The following CLCN2 variants were observed in gnomAD, a reference collection of about 807,000 sequenced individuals.
The protein encoded by CLCN2 is chloride voltage-gated channel 2.
A neutral mutation model predicts 108.3 loss-of-function variants in CLCN2; 72 were observed. That is an observed-to-expected ratio of 0.66 (90% confidence interval 0.55 to 0.81). The LOEUF (loss-of-function observed/expected upper bound fraction) is 0.81, where lower values mean the gene tolerates loss of function less well. CLCN2 is among the 30% of genes least tolerant of loss of function. CLCN2 has a pLI of 0.00. For synonymous variants in CLCN2, 471 were observed against 467.1 expected (o/e 1.01, Z -0.11); for missense variants, 1,048 against 1,205.2 (o/e 0.87, Z 1.93).
At position 184,352,802 on chromosome 3, in the gene CLCN2, C is replaced by T; in HGVS notation, c.2152G>A (p.Glu718Lys). The T allele has an allele frequency of 3.7e-6, 6 of 1,613,256 alleles. No homozygotes were observed. Among genetic ancestry groups the T allele is most frequent in the Non-Finnish European group, 4.2e-6 (5 of 1,179,984 alleles). ...NLGESPTGSA[E>K]SAGIALRSLF... ...CTCCGGAGGGCGATGCCTGCCGACT[C>T]TGCGCTCCCTGTGTTCCCAAACATA... Residue 718 changes from glutamate to lysine, a missense_variant, in exon 19 of 24, where the codon GAG becomes AAG. Physicochemically the swap from Glu to Lys is moderately conservative, Grantham distance 56 (BLOSUM62 1). Transcript: ENST00000265593.
At position 184,352,774 on chromosome 3, in the gene CLCN2, AGGC is replaced by A; in HGVS notation, c.2177_2179del (p.Ser726_Leu727delinsIle). On this transcript the variant is annotated inframe_deletion, in exon 19 of 24. Coordinates refer to ENST00000265593, the MANE Select transcript of CLCN2 (RefSeq NM_004366.6). Reference sequence around the variant, plus strand: ...CTCAGGGGGTGGACTGCCACAGAAGAGGCTCCGGAGGGCGATGCCTGCCGACTC... The same window carrying A: ...CTCAGGGGGTGGACTGCCACAGAAGATCCGGAGGGCGATGCCTGCCGACTC... 1 of 1,613,200 alleles carries A rather than the reference AGGC, an allele frequency of 6.2e-7. No individual in the cohort carries two copies. Among genetic ancestry groups the A allele is most frequent in the Non-Finnish European group, 8.5e-7 (1 of 1,179,990 alleles).
At position 184,357,399 on chromosome 3, in the gene CLCN2, G is replaced by A. The variant is rs1039368510; in HGVS notation, c.861C>T (p.Phe287=). The A allele has an allele frequency of 3.1e-6, 5 of 1,614,110 alleles. No individual in the cohort carries two copies. The highest frequency in any genetic ancestry group is 4.2e-6 in the Non-Finnish European group (5 of 1,180,014). Residue 287 remains phenylalanine (F), a synonymous_variant, in exon 8 of 24, where the codon TTC becomes TTT. Transcript: ENST00000265593. The part of the protein sequence containing the change: ...RGFFAATFSA[F]IFRVLAVWNR... ...TCCAGACTGCCAAGACCCGGAAGAT[G>A]AAGGCACTGAAGGTGGCAGCGAAGA...
At chr3:184,350,210 C>A (rs1469907869) in intron 22 of CLCN2, among the ~76,000 whole-genome samples, 8 of 152,180 alleles carry the variant, frequency 5.3e-5, no homozygotes, top group Non-Finnish European at 8.8e-5. Flanking sequence ...AGGGCCCATA[C>A]TTCTTGGGCC....
chr3:184,360,035 T>G (rs1711805823), intron 1 of CLCN2, among the ~76,000 whole-genome samples: 28 of 141,136 alleles, frequency 2.0e-4, no homozygotes, highest in East Asian at 4.2e-4. Context: ...GGGTGAGAGA[T>G]AGGAAAGGGA....
At chr3:184,352,992 G>A (rs1259302899) in intron 18 of CLCN2, 41 bp downstream of exon 18, 1 of 1,585,546 alleles carries the variant, frequency 6.3e-7, no homozygotes, top group South Asian at 1.1e-5. Context: ...GATCTCAGTA[G>A]CTTGGCTGAG....
intron 10 of CLCN2, chr3:184,356,362 G>C (rs1256464823): frequency 6.1e-6 from 1 of 163,986 alleles, no homozygotes; most frequent in Non-Finnish European, 1.3e-5. Flanking sequence ...AAAAAATCTC[G>C]GCCGGGCACA....
chr3:184,350,041 T>C (rs958721423), intron 22 of CLCN2, among the ~76,000 whole-genome samples: 3 of 152,258 alleles, frequency 2.0e-5, no homozygotes, highest in African/African-American at 7.2e-5. Context: ...GTAAGGACAT[T>C]TTGAATTCTA....
intron 18 of CLCN2, 98 bp downstream of exon 18, chr3:184,352,935 C>T: frequency 6.6e-7 from 1 of 1,523,840 alleles, no homozygotes; most frequent in Non-Finnish European, 9.1e-7. Context: ...GCAGCCTCTT[C>T]CAGCTGGGAT....
Position 184,357,483 on chromosome 3 carries a change from G to A in CLCN2, c.777C>T (p.Val259=), listed in dbSNP as rs754102648. 8 of 1,614,194 alleles carry A rather than the reference G, an allele frequency of 5.0e-6. No homozygotes were observed. Among genetic ancestry groups the A allele is most frequent in the Non-Finnish European group, 5.9e-6 (7 of 1,180,028 alleles). The change falls in exon 8 of 24, where the codon GTC becomes GTT. Residue 259 remains valine, a synonymous_variant. Coordinates refer to ENST00000265593, the MANE Select transcript of CLCN2 (RefSeq NM_004366.6). ...GCCFAAPIGG[V]LFSIEVTSTF... ...TGGAGGTGACCTCGATGCTGAAGAG[G>A]ACGCCTGTGAGGGGGAGGGAGACCA...
intron 21 of CLCN2, 22 bp from the exon 22 acceptor site, chr3:184,352,139 G>T: frequency 3.1e-6 from 5 of 1,605,742 alleles, no homozygotes; most frequent in Non-Finnish European, 4.3e-6. Context: ...AGACTATGAG[G>T]TTTAGGGAGA....
At chr3:184,352,865 C>T in intron 18 of CLCN2, 55 bp from the exon 19 acceptor site, 1 of 1,600,000 alleles carries the variant, frequency 6.3e-7, no homozygotes, top group Non-Finnish European at 8.6e-7. Context: ...GGGGAGAGGA[C>T]CAGGAAAGGT....
At chr3:184,350,253 C>G (rs1170719649) in intron 22 of CLCN2, among the ~76,000 whole-genome samples, 1 of 152,186 alleles carries the variant, frequency 6.6e-6, no homozygotes, top group East Asian at 1.9e-4. Context: ...AGAGGGACAA[C>G]ATGGCCTTCT....
At chr3:184,348,012 C>G (rs6773786) in intron 22 of CLCN2, 123,164 of 152,228 alleles carry the variant, frequency 0.81, 50,609 homozygotes, top group African/African-American at 0.95. Flanking sequence ...TAAGCCTCTT[C>G]GCTTAATGTT....
At position 184,358,088 on chromosome 3, in the gene CLCN2, G is replaced by A. The variant is rs1176764196; in HGVS notation, c.489C>T (p.Gly163=). 6.2e-7 allele frequency: 1 copy of A among 1,614,136 alleles called. No homozygotes were observed. The highest frequency in any genetic ancestry group is 1.1e-5 in the South Asian group (1 of 91,090). ...QILAPQAVGS[G]IPEMKTILRG... is the part of the protein sequence containing the mutation. ...GCAAGATGGTCTTCATCTCAGGGAT[G>A]CCAGAGCCTGGAGAGGGAACAGTCT... Residue 163 remains glycine, a synonymous_variant, in exon 5 of 24, where the codon GGC becomes GGT. Coordinates refer to ENST00000265593, the MANE Select transcript of CLCN2 (RefSeq NM_004366.6).
At position 184,355,329 on chromosome 3, in the gene CLCN2, G is replaced by A; in HGVS notation, c.1326+45C>T. ...AGCACTGCGTGGCAGGTGCTTAGAA[G>A]GGCAAGCTATGTAAAGGTTAGCAGT... On this transcript the variant is annotated intron_variant, in intron 12 of 23. Transcript: ENST00000265593. The surrounding 1 kb of genome is among the most constrained non-coding windows in gnomAD (Gnocchi z 6.3). 1 of 1,608,992 alleles carries A rather than the reference G, an allele frequency of 6.2e-7. No homozygotes were observed. The highest frequency in any genetic ancestry group is 1.1e-5 in the South Asian group (1 of 90,932).
chr3:184,353,755 C>T lies in CLCN2; in HGVS notation c.1762G>A (p.Val588Ile). Residue 588 changes from valine to isoleucine, a missense_variant, in exon 16 of 24, where the codon GTT (valine) becomes ATT (isoleucine). Physicochemically the swap from Val to Ile is conservative, Grantham distance 29 (BLOSUM62 3). Transcript: ENST00000265593. ...VRVEDIMVRD[V>I]PHVALSCTFR... ...GTGCAGCTGAGGGCCACATGGGGAA[C>T]ATCCCGCACCATGATGTCCTCCACA... 1 of 1,606,898 alleles carries T rather than the reference C, an allele frequency of 6.2e-7. No homozygotes were observed. Among genetic ancestry groups the T allele is most frequent in the South Asian group, 1.1e-5 (1 of 89,688 alleles).
chr3:184,353,055 C>G lies in CLCN2; in HGVS notation c.2121G>C (p.Arg707Ser). 6.2e-7 allele frequency: 1 copy of G among 1,614,134 alleles called. No homozygotes were observed. Among genetic ancestry groups the G allele is most frequent in the Non-Finnish European group, 8.5e-7 (1 of 1,180,008 alleles). ...PALKRGPSVT[R>S]NLGESPTGSA... ...TACCTGTGGGACTCTCTCCGAGGTT[C>G]CTGGTGACACTGGGCCCCCTCTTGA... The change falls in exon 18 of 24, where the codon AGG becomes AGC. Residue 707 changes from arginine to serine, a missense_variant. Coordinates refer to ENST00000265593, the MANE Select transcript of CLCN2 (RefSeq NM_004366.6).
chr3:184,353,748 T>TG lies in CLCN2; in HGVS notation c.1768dup (p.His590ProfsTer30), dbSNP rs1560257762. The stretch of plus-strand genomic sequence containing the variant: ...CCGGAAGGTGCAGCTGAGGGCCACA[T>TG]GGGGAACATCCCGCACCATGATGTC... On this transcript the variant is annotated frameshift_variant, in exon 16 of 24. Coordinates refer to ENST00000265593, the MANE Select transcript of CLCN2 (RefSeq NM_004366.6). LOFTEE classifies it high-confidence loss of function. 6.2e-7 allele frequency: 1 copy of TG among 1,607,832 alleles called. No homozygotes were observed. Among genetic ancestry groups the TG allele is most frequent in the East Asian group, 2.2e-5 (1 of 44,692 alleles).
At chr3:184,352,834 C>T in intron 18 of CLCN2, 24 bp from the exon 19 acceptor site, 2 of 1,612,544 alleles carry the variant, frequency 1.2e-6, no homozygotes, top group African/African-American at 1.3e-5. Context: ...CATAAGGCCC[C>T]AGGGGGCAAT....
Sources: allele counts gnomAD v4.1 joint callset (sites outside exome capture counted in the v4.1 genomes callset), GRCh38; gene constraint gnomAD v4.1.1; non-coding constraint Gnocchi (gnomAD v3.1); transcripts MANE v1.5; gene names NCBI Gene and HGNC (gene_info 2026-07-23, HGNC 2026-07-21).